KCNIP4: variants seen among roughly 807,000 people sequenced by gnomAD.
KCNIP4 encodes the protein potassium voltage-gated channel interacting protein 4.
A neutral mutation model predicts 34.0 loss-of-function variants in KCNIP4; 12 were observed. The ratio of observed to expected loss-of-function variants is 0.35; its 90% confidence interval spans 0.23 to 0.57. The LOEUF is 0.57. KCNIP4 is among the 20% of genes least tolerant of loss of function. The pLI, the probability that KCNIP4 is intolerant of heterozygous loss-of-function variation, is 0.83. For missense variants in KCNIP4, 238 were observed against 311.7 expected, an observed-to-expected ratio of 0.76 and a Z score of 1.78; for synonymous variants, 124 against 102.2, an observed-to-expected ratio of 1.21 and a Z score of -1.29.
At chr4:21,141,796 A>G (rs1043893638) in intron 1 of KCNIP4, among the ~76,000 whole-genome samples, 16 of 152,104 alleles carry the variant, frequency 1.1e-4, no homozygotes, top group Admixed American at 6.5e-5. Flanking sequence ...ACAAAAGGTA[A>G]TGAGGTCAAG....
chr4:20,730,174 A>G (rs762971898), intron 8 of KCNIP4, 45 bp from the exon 9 acceptor site: 31 of 1,576,902 alleles, frequency 2.0e-5, no homozygotes, highest in Non-Finnish European at 2.5e-5. Context: ...CATATCTGCA[A>G]GGAAAAGTAC....
At chr4:21,639,001 T>C (rs1746418951) in intron 1 of KCNIP4, among the ~76,000 whole-genome samples, 1 of 152,202 alleles carries the variant, frequency 6.6e-6, no homozygotes, top group African/African-American at 2.4e-5. Flanking sequence ...AATAATTATA[T>C]GAGACTTTGT....
intron 3 of KCNIP4, among the ~76,000 whole-genome samples, chr4:20,822,460 T>C (rs1227159070): frequency 6.6e-6 from 1 of 152,134 alleles, no homozygotes; most frequent in Non-Finnish European, 1.5e-5. Flanking sequence ...AGGGAATACT[T>C]TTACACAGCT....
chr4:21,504,475 A>AAAAAAAAAAAAAGAAAGAAAG (rs1264431211), intron 1 of KCNIP4, among the ~76,000 whole-genome samples: 1 of 101,850 alleles, frequency 9.8e-6, no homozygotes, highest in African/African-American at 3.9e-5. Context: ...CAAAAAAAAA[A>AAAAAAAAAAAAAGAAAGAAAG]AAAGAAAGAA....
At chr4:21,866,134 G>T (rs1725400990) in intron 1 of KCNIP4, among the ~76,000 whole-genome samples, 1 of 152,004 alleles carries the variant, frequency 6.6e-6, no homozygotes, top group Non-Finnish European at 1.5e-5. Context: ...CTATGGCTTG[G>T]TAATTAAAAT....
chr4:21,658,135 G>C (rs533066213), intron 1 of KCNIP4, among the ~76,000 whole-genome samples: 1 of 152,126 alleles, frequency 6.6e-6, no homozygotes, highest in Non-Finnish European at 1.5e-5. Context: ...ACCGCTCCCA[G>C]CCTAAATGTA....
chr4:21,928,794 A>C (rs1729407591), intron 1 of KCNIP4, among the ~76,000 whole-genome samples: 1 of 152,072 alleles, frequency 6.6e-6, no homozygotes, highest in African/African-American at 2.4e-5. Context: ...AATCCGTTGC[A>C]CATGTCCTCC....
chr4:20,869,248 A>G (rs1215596751), intron 2 of KCNIP4, among the ~76,000 whole-genome samples: 1 of 152,076 alleles, frequency 6.6e-6, no homozygotes, highest in Non-Finnish European at 1.5e-5. Flanking sequence ...TAAAAAAGCT[A>G]TTAGGAAAAC....
intron 1 of KCNIP4, among the ~76,000 whole-genome samples, chr4:21,760,415 G>T (rs993671581): frequency 8.2e-5 from 12 of 147,232 alleles, no homozygotes; most frequent in Non-Finnish European, 1.2e-4. Flanking sequence ...GAAAAACTTG[G>T]CTTAAATTCA....
Position 21,836,281 on chromosome 4 carries a change from C to T in KCNIP4, c.61+112290G>A, listed in dbSNP as rs1172839649. On this transcript the variant is annotated intron_variant, in intron 1 of 8. Coordinates refer to ENST00000382152, the MANE Select transcript of KCNIP4 (RefSeq NM_025221.6). ...TCAGCTGCACTTCTTGATGACATGC[C>T]CTTTCTTTAGACACCCTGGGAAAAC... Among the ~76,000 whole-genome samples, 3 of 151,724 alleles carry T rather than the reference C, an allele frequency of 2.0e-5. No homozygotes were observed. The East Asian group carries it at 5.8e-4, about 29-fold the overall frequency.
intron 1 of KCNIP4, among the ~76,000 whole-genome samples, chr4:21,137,818 T>C (rs1175784947): frequency 6.6e-6 from 1 of 151,298 alleles, no homozygotes; most frequent in Non-Finnish European, 1.5e-5. Flanking sequence ...TTAGAAATAA[T>C]AGTTAATAAA....
At chr4:20,896,717 G>A (rs544461476) in intron 1 of KCNIP4, among the ~76,000 whole-genome samples, 12 of 152,268 alleles carry the variant, frequency 7.9e-5, no homozygotes, top group Non-Finnish European at 1.6e-4. Flanking sequence ...TATTTATCTT[G>A]TTTTATGCCA....
intron 1 of KCNIP4, among the ~76,000 whole-genome samples, chr4:21,576,518 C>T (rs1740752008): frequency 6.6e-6 from 1 of 152,116 alleles, no homozygotes; most frequent in Non-Finnish European, 1.5e-5. Flanking sequence ...TGCATACTGA[C>T]TAAAAATCAA....
At chr4:21,527,932 C>T (rs539888381) in intron 1 of KCNIP4, among the ~76,000 whole-genome samples, 1 of 152,140 alleles carries the variant, frequency 6.6e-6, no homozygotes, top group Admixed American at 6.6e-5. Flanking sequence ...AAGGAATCCT[C>T]CTAGGTACAA....
intron 1 of KCNIP4, among the ~76,000 whole-genome samples, chr4:21,328,751 CT>C (rs1190624958): frequency 2.0e-5 from 3 of 152,210 alleles, no homozygotes; most frequent in Non-Finnish European, 4.4e-5. Context: ...AGGAATCTAC[CT>C]GGTGTTCTAT....
chr4:21,943,084 T>C (rs1215674419), intron 1 of KCNIP4, among the ~76,000 whole-genome samples: 5 of 152,200 alleles, frequency 3.3e-5, no homozygotes, highest in Non-Finnish European at 7.3e-5. Flanking sequence ...TTGTGAAGCA[T>C]TGTAGAAGTG....
At chr4:21,685,218 T>G (rs1023055230) in intron 1 of KCNIP4, among the ~76,000 whole-genome samples, 10 of 152,170 alleles carry the variant, frequency 6.6e-5, no homozygotes, top group African/African-American at 2.4e-4. Flanking sequence ...TGCATAATGT[T>G]TTACATAATA....
chr4:21,633,345 C>T (rs1161951459), intron 1 of KCNIP4, among the ~76,000 whole-genome samples: 1 of 152,006 alleles, frequency 6.6e-6, no homozygotes, highest in Non-Finnish European at 1.5e-5. Flanking sequence ...TGGATTTGGC[C>T]ATAAAACCCA....
At chr4:20,737,242 A>G (rs549406508) in intron 5 of KCNIP4, among the ~76,000 whole-genome samples, 1 of 152,274 alleles carries the variant, frequency 6.6e-6, no homozygotes, top group East Asian at 1.9e-4. Context: ...AGAAGTTGCT[A>G]AAGAAGTGAG....
Sources: allele counts gnomAD v4.1 joint callset (sites outside exome capture counted in the v4.1 genomes callset), GRCh38; gene constraint gnomAD v4.1.1; transcripts MANE v1.5; gene names NCBI Gene and HGNC (gene_info 2026-07-23, HGNC 2026-07-21).